Variants in CNP observed in about 807,000 individuals in gnomAD.
The protein encoded by CNP is 2',3'-cyclic-nucleotide 3'-phosphodiesterase.
In CNP, 8 loss-of-function variants were observed where a neutral mutation model predicts 37.9. The observed-to-expected ratio is 0.21, with a 90% CI of 0.12 to 0.38. CNP has a LOEUF of 0.38. Among genes scored for constraint, CNP ranks in the 10% least tolerant of loss-of-function variants. The probability of loss-of-function intolerance (pLI) is 1.00; values close to 1 mark genes in which losing one functional copy is unlikely to be tolerated. For missense variants in CNP, 457 were observed against 551.0 expected (o/e 0.83, Z 1.71); for synonymous variants, 237 against 238.3 (o/e 0.99, Z 0.05).
chr17:41,974,003 C>CT lies in CNP; in HGVS notation c.*79_*80insT, dbSNP rs2051035204. ...CCTCTGTTTGATCCTTGTTTTGTGA[C>CT]ATTTTTTTTTTTTTTTTTTTTACTC... On this transcript the variant is annotated 3_prime_UTR_variant, in exon 4 of 4. Transcript: ENST00000393892. 1.7e-5 allele frequency: 13 copies of CT among 769,754 alleles called. No individual in the cohort carries two copies. The highest frequency in any genetic ancestry group is 6.5e-5 in the East Asian group (2 of 30,860). 47.7% of individuals were successfully genotyped at this position (769,754 alleles called of 1,614,324 possible).
At chr17:41,972,663 TAG>T (rs1567947317) in intron 3 of CNP, among the ~76,000 whole-genome samples, 4 of 152,190 alleles carry the variant, frequency 2.6e-5, no homozygotes, top group African/African-American at 7.2e-5. Context: ...GTTTGTTCAC[TAG>T]AGTGTCCTCC....
intron 3 of CNP, among the ~76,000 whole-genome samples, chr17:41,972,461 T>TA (rs1316295399): frequency 2.6e-5 from 4 of 152,118 alleles, no homozygotes; most frequent in African/African-American, 9.7e-5. Flanking sequence ...GGGAGTTTCA[T>TA]ACGATAATGA....
chr17:41,976,799 G>C lies in CNP; in HGVS notation c.*2875G>C. On this transcript the variant is annotated 3_prime_UTR_variant, in exon 4 of 4. Coordinates refer to ENST00000393892, the MANE Select transcript of CNP (RefSeq NM_033133.5). ...AAAGAGAAAAGAGGGGTTGGTAGTT[G>C]GCTATGGATTTTCTAAGGAAGATCA... 1 of 1,601,054 alleles carries C rather than the reference G, an allele frequency of 6.2e-7. No homozygotes were observed. The highest frequency in any genetic ancestry group is 1.1e-5 in the South Asian group (1 of 89,920).
rs782289421 is a variant in CNP at position 41,968,551 on chromosome 17, G to A, written c.487G>A (p.Glu163Lys). 1 of 1,614,146 alleles carries A rather than the reference G, an allele frequency of 6.2e-7. No individual in the cohort carries two copies. Among genetic ancestry groups the A allele is most frequent in the Non-Finnish European group, 8.5e-7 (1 of 1,180,038 alleles). ...AWRLDCAQLK[E>K]KNQWQLSADD... is the part of the protein sequence containing the mutation. ...GCGGCTGGACTGTGCCCAGCTCAAG[G>A]AGAAGAACCAGTGGCAGCTGTCGGC... Residue 163 changes from glutamate (E) to lysine (K), a missense_variant, in exon 2 of 4, where the codon GAG (glutamate) becomes AAG (lysine). Coordinates refer to ENST00000393892, the MANE Select transcript of CNP (RefSeq NM_033133.5). The surrounding 1 kb of genome is among the most constrained non-coding windows in gnomAD (Gnocchi z 4.8).
Position 41,973,826 on chromosome 17 carries a change from G to A in CNP, c.1168G>A (p.Val390Ile). 6.2e-7 allele frequency: 1 copy of A among 1,611,528 alleles called. No individual in the cohort carries two copies. Among genetic ancestry groups the A allele is most frequent in the Middle Eastern group, 1.7e-4 (1 of 6,046 alleles). Reference protein sequence around the residue: ...WMLTLAKNMEVRAIFTGYYGK... With the variant: ...WMLTLAKNMEIRAIFTGYYGK... ...GCTGACCCTGGCCAAGAACATGGAG[G>A]TCAGGGCCATCTTCACGGGGTACTA... Residue 390 changes from valine to isoleucine, a missense_variant, in exon 4 of 4, where the codon GTC becomes ATC. Around this residue, in one of 2 missense-constraint regions of CNP, gnomAD observed 291 missense variants for 291.7 expected, o/e 1.00. Coordinates refer to ENST00000393892, the MANE Select transcript of CNP (RefSeq NM_033133.5).
rs1555644546 is a variant in CNP, at chr17:41,975,211, T to A, written c.*1287T>A. On this transcript the variant is annotated 3_prime_UTR_variant, in exon 4 of 4. Coordinates refer to ENST00000393892, the MANE Select transcript of CNP (RefSeq NM_033133.5). ...TCTCTCTTACCCTTCTGTGCCCAGC[T>A]CAGTCTTCCCTAGGGCTGGGTGTAT... 6.6e-6 allele frequency: 1 copy of A among 152,666 alleles called. No individual in the cohort carries two copies. The highest frequency in any genetic ancestry group is 2.4e-5 in the African/African-American group (1 of 41,462). 9.5% of individuals were successfully genotyped at this position (152,666 alleles called of 1,614,324 possible).
Position 41,966,831 on chromosome 17 carries a change from G to A in CNP, c.-54G>A, listed in dbSNP as rs2050902379. The stretch of plus-strand genomic sequence containing the variant: ...CCCGTGTCCCTCCGCGCAGGCGGGC[G>A]GCCCCGGAGCGCTGGTGCCGGCAGA... On this transcript the variant is annotated 5_prime_UTR_variant, in exon 1 of 4. Transcript: ENST00000393892. 8.0e-6 allele frequency: 11 copies of A among 1,374,888 alleles called. 2 individuals carry two copies. The South Asian group carries it at 1.6e-4, about 21-fold the overall frequency. 85.2% of individuals were successfully genotyped at this position (1,374,888 alleles called of 1,614,324 possible). A position where few individuals can be genotyped will look rare whatever the true frequency, so the allele number is the denominator to read the frequency against.
chr17:41,970,042 G>A (rs2050962540), intron 2 of CNP, among the ~76,000 whole-genome samples: 1 of 152,206 alleles, frequency 6.6e-6, no homozygotes, highest in Non-Finnish European at 1.5e-5. Flanking sequence ...CCAGGAGCAA[G>A]CCCTGTACCT....
At position 41,977,074 on chromosome 17, in the gene CNP, G is replaced by A; in HGVS notation, c.*3150G>A. On this transcript the variant is annotated 3_prime_UTR_variant, in exon 4 of 4. Coordinates refer to ENST00000393892, the MANE Select transcript of CNP (RefSeq NM_033133.5). ...GAGATGCGGTGGCTAAAGGTCCCAA[G>A]GCAAGGGGTGCCTGGGAACCTTCCT... 2 of 692,336 alleles carry A rather than the reference G, an allele frequency of 2.9e-6. No homozygotes were observed. Among genetic ancestry groups the A allele is most frequent in the Non-Finnish European group, 4.8e-6 (2 of 413,604 alleles). 42.9% of individuals were successfully genotyped at this position (692,336 alleles called of 1,614,324 possible).
At position 41,968,124 on chromosome 17, in the gene CNP, G is replaced by C; in HGVS notation, c.60G>C (p.Lys20Asn). 2 of 1,614,256 alleles carry C rather than the reference G, an allele frequency of 1.2e-6. No homozygotes were observed. The highest frequency in any genetic ancestry group is 1.7e-6 in the Non-Finnish European group (2 of 1,180,048). Residue 20 changes from lysine (K) to asparagine (N), a missense_variant, in exon 2 of 4, where the codon AAG (lysine) becomes AAC (asparagine). Lys to Asn is a moderately conservative substitution (Grantham distance 94). Transcript: ENST00000393892. The surrounding 1 kb of genome is among the most constrained non-coding windows in gnomAD (Gnocchi z 4.8). ...HTFLPKIFFR[K>N]MSSSGAKDKP... is the part of the protein sequence containing the mutation. ...TCCTGCCCAAGATCTTCTTCCGCAA[G>C]ATGTCATCCTCAGGGGCCAAGGACA...
Position 41,977,153 on chromosome 17 carries a change from C to G in CNP, c.*3229C>G. ...ATAGATGCCCTGCTAGATGAGAATTCAGCTGCCCCCGCTCATGGGCCCCTC... is the reference window on the plus strand; with the variant it reads ...ATAGATGCCCTGCTAGATGAGAATTGAGCTGCCCCCGCTCATGGGCCCCTC... On this transcript the variant is annotated 3_prime_UTR_variant, in exon 4 of 4. Coordinates refer to ENST00000393892, the MANE Select transcript of CNP (RefSeq NM_033133.5). 1.8e-6 allele frequency: 2 copies of G among 1,127,868 alleles called. No homozygotes were observed. Among genetic ancestry groups the G allele is most frequent in the East Asian group, 2.6e-5 (1 of 38,794 alleles). The allele number at this position is 1,127,868 out of a possible 1,614,324, so 69.9% of individuals were successfully genotyped here.
Position 41,974,607 on chromosome 17 carries a change from G to A in CNP, c.*683G>A, listed in dbSNP as rs530850991. On this transcript the variant is annotated 3_prime_UTR_variant, in exon 4 of 4. Transcript: ENST00000393892. The stretch of plus-strand genomic sequence containing the variant: ...GCTATTTACCAGGGTAGAAAAAGGA[G>A]CTTACCTCCCACCTTTGGTCCTAAG... The A allele has an allele frequency of 1.3e-5, 2 of 152,440 alleles. No individual in the cohort carries two copies. Among genetic ancestry groups the A allele is most frequent in the African/African-American group, 4.8e-5 (2 of 41,556 alleles). The allele number at this position is 152,440 out of a possible 1,614,324, so 9.4% of individuals were successfully genotyped here.
chr17:41,972,852 A>T (rs1365563439), intron 3 of CNP, among the ~76,000 whole-genome samples: 4 of 152,222 alleles, frequency 2.6e-5, no homozygotes, highest in African/African-American at 9.7e-5. Flanking sequence ...AGGGATCGTG[A>T]GCAAAAATAG....
chr17:41,973,674 T>C lies in CNP; in HGVS notation c.1016T>C (p.Val339Ala), dbSNP rs782630033. 3.1e-6 allele frequency: 5 copies of C among 1,613,882 alleles called. No individual in the cohort carries two copies. The highest frequency in any genetic ancestry group is 1.7e-6 in the Non-Finnish European group (2 of 1,179,964). ...AHITLGCAAD[V>A]EAVQTGLDLL... ...ATCACCCTCGGCTGTGCAGCTGACGTAGAGGCCGTGCAGACGGGCCTTGAC... is the reference window on the plus strand; with the variant it reads ...ATCACCCTCGGCTGTGCAGCTGACGCAGAGGCCGTGCAGACGGGCCTTGAC... The change falls in exon 4 of 4, where the codon GTA becomes GCA. Residue 339 changes from valine (V) to alanine (A), a missense_variant. Val to Ala is a moderately conservative substitution (Grantham distance 64, BLOSUM62 0). Around this residue, in one of 2 missense-constraint regions of CNP, gnomAD observed 291 missense variants for 291.7 expected, o/e 1.00. Transcript: ENST00000393892.
chr17:41,968,539 G>A lies in CNP; in HGVS notation c.475G>A (p.Ala159Thr). Residue 159 changes from alanine to threonine, a missense_variant, in exon 2 of 4, where the codon GCC becomes ACC. By Grantham distance (58) the Ala-to-Thr change is moderately conservative. Around this residue, in one of 2 missense-constraint regions of CNP, gnomAD observed 166 missense variants for 259.3 expected, o/e 0.64. Coordinates refer to ENST00000393892, the MANE Select transcript of CNP (RefSeq NM_033133.5). The surrounding 1 kb of genome is among the most constrained non-coding windows in gnomAD (Gnocchi z 4.8). ...EPKTAWRLDCAQLKEKNQWQL... is the reference protein window; with the variant it reads ...EPKTAWRLDCTQLKEKNQWQL... ...CAAGACGGCGTGGCGGCTGGACTGT[G>A]CCCAGCTCAAGGAGAAGAACCAGTG... is the stretch of plus-strand genomic sequence containing the variant. The A allele has an allele frequency of 6.2e-7, 1 of 1,614,138 alleles. No homozygotes were observed. The highest frequency in any genetic ancestry group is 8.5e-7 in the Non-Finnish European group (1 of 1,180,026).
At position 41,976,909 on chromosome 17, in the gene CNP, G is replaced by C. The variant is rs1465739800; in HGVS notation, c.*2985G>C. 15 of 1,123,116 alleles carry C rather than the reference G, an allele frequency of 1.3e-5. No individual in the cohort carries two copies. The highest frequency in any genetic ancestry group is 1.9e-5 in the Non-Finnish European group (15 of 798,858). 69.6% of individuals were successfully genotyped at this position (1,123,116 alleles called of 1,614,324 possible). ...ACTCTATGGGTATCAAACAGCTCAG[G>C]CTGTTTTTGGGTGCAAGAGGGAGCA... On this transcript the variant is annotated 3_prime_UTR_variant, in exon 4 of 4. Coordinates refer to ENST00000393892, the MANE Select transcript of CNP (RefSeq NM_033133.5).
chr17:41,974,233 T>C lies in CNP; in HGVS notation c.*309T>C, dbSNP rs1803296. On this transcript the variant is annotated 3_prime_UTR_variant, in exon 4 of 4. Coordinates refer to ENST00000393892, the MANE Select transcript of CNP (RefSeq NM_033133.5). Reference sequence around the variant, plus strand: ...AACCCCGAGCCCTACTTCCAGGTTCTGGTTAGCTCAGCCCCAGCCCAGCCC... The same window carrying C: ...AACCCCGAGCCCTACTTCCAGGTTCCGGTTAGCTCAGCCCCAGCCCAGCCC... 0.042 allele frequency: 8,909 copies of C among 210,832 alleles called. 838 individuals are homozygous for C. Among genetic ancestry groups the C allele is most frequent in the African/African-American group, 0.19 (8,326 of 43,452 alleles). The allele number at this position is 210,832 out of a possible 1,614,324, so 13.1% of individuals were successfully genotyped here.
rs1555645086 is a variant in CNP at position 41,977,298 on chromosome 17, C to G, written c.*3374C>G. On this transcript the variant is annotated 3_prime_UTR_variant, in exon 4 of 4. Coordinates refer to ENST00000393892, the MANE Select transcript of CNP (RefSeq NM_033133.5). ...AGCCGCCAGGACCGCCAAAGAATGC[C>G]TTGAAGATATTGTTTGGATCAAAAT... 6.3e-7 allele frequency: 1 copy of G among 1,584,890 alleles called. No individual in the cohort carries two copies. The highest frequency in any genetic ancestry group is 1.8e-5 in the Admixed American group (1 of 55,270).
chr17:41,974,733 G>T lies in CNP; in HGVS notation c.*809G>T. 1 of 152,732 alleles carries T rather than the reference G, an allele frequency of 6.5e-6. No homozygotes were observed. Among genetic ancestry groups the T allele is most frequent in the Non-Finnish European group, 1.5e-5 (1 of 68,320 alleles). 9.5% of individuals were successfully genotyped at this position (152,732 alleles called of 1,614,324 possible). ...GCCGCCACATCCCCGCTGGCTGGGG[G>T]CCTCACTCCAGGAAGGGGCTGGACT... On this transcript the variant is annotated 3_prime_UTR_variant, in exon 4 of 4. Coordinates refer to ENST00000393892, the MANE Select transcript of CNP (RefSeq NM_033133.5).
Sources: gnomAD v4.1 joint callset for allele counts (sites outside exome capture counted in the v4.1 genomes callset) on GRCh38, gnomAD v4.1.1 for gene constraint, gnomAD v4.1.1 regional missense constraint, Gnocchi (gnomAD v3.1) non-coding constraint, MANE v1.5 for transcripts, NCBI Gene and HGNC (gene_info 2026-07-23, HGNC 2026-07-21) for gene names.